PTPRT: variants seen among roughly 807,000 people sequenced by gnomAD.
The protein encoded by PTPRT is receptor-type tyrosine-protein phosphatase T.
A neutral mutation model predicts 176.8 loss-of-function variants in PTPRT; 56 were observed. The ratio of observed to expected loss-of-function variants is 0.32; its 90% CI spans 0.26 to 0.40. The LOEUF (loss-of-function observed/expected upper bound fraction) is 0.40, where lower values mean the gene tolerates loss of function less well. Ranked by LOEUF, PTPRT falls within the 10% of genes least tolerant of loss-of-function variation. PTPRT has a pLI of 1.00. For missense variants in PTPRT, 1,540 were observed against 1,908.2 expected (o/e 0.81, Z 3.60); for synonymous variants, 783 against 739.0 (o/e 1.06, Z -0.96).
intron 7 of PTPRT, among the ~76,000 whole-genome samples, chr20:42,569,752 T>C (rs1427348275): frequency 2.0e-5 from 3 of 152,188 alleles, no homozygotes; most frequent in Non-Finnish European, 4.4e-5. Flanking sequence ...TCACACAAGA[T>C]CACTTGGCCC....
At chr20:43,015,791 G>A (rs1162109043) in intron 1 of PTPRT, among the ~76,000 whole-genome samples, 2 of 152,110 alleles carry the variant, frequency 1.3e-5, no homozygotes. Flanking sequence ...AATGGGGACA[G>A]CCAATGCAAC....
At chr20:42,686,838 G>A (rs914670692) in intron 6 of PTPRT, among the ~76,000 whole-genome samples, 20 of 151,838 alleles carry the variant, frequency 1.3e-4, no homozygotes, top group African/African-American at 3.4e-4. Context: ...GTCTCACTTC[G>A]TCTCCTGTTT....
intron 6 of PTPRT, among the ~76,000 whole-genome samples, chr20:42,737,918 G>T (rs1460555927): frequency 6.6e-6 from 1 of 152,190 alleles, no homozygotes; most frequent in East Asian, 1.9e-4. Context: ...GCCCCACCTT[G>T]CAGGACAGGG....
chr20:42,348,264 C>T (rs2058223966), intron 11 of PTPRT, among the ~76,000 whole-genome samples: 1 of 152,118 alleles, frequency 6.6e-6, no homozygotes, highest in Non-Finnish European at 1.5e-5. Context: ...GGAAATAATT[C>T]CAGAAACTGA....
At chr20:43,040,168 A>G (rs1986548549) in intron 1 of PTPRT, among the ~76,000 whole-genome samples, 1 of 152,226 alleles carries the variant, frequency 6.6e-6, no homozygotes, top group Non-Finnish European at 1.5e-5. Context: ...ACTAAATAAC[A>G]CTTGAAAATA....
intron 2 of PTPRT, among the ~76,000 whole-genome samples, chr20:42,803,988 T>C (rs1408266549): frequency 6.6e-6 from 1 of 152,106 alleles, no homozygotes; most frequent in Non-Finnish European, 1.5e-5. Flanking sequence ...TGAGGCACCA[T>C]AGTTGCCCTG....
chr20:42,320,753 C>A (rs182608303), intron 11 of PTPRT, among the ~76,000 whole-genome samples: 5 of 151,918 alleles, frequency 3.3e-5, no homozygotes, highest in African/African-American at 1.2e-4. Flanking sequence ...ATAAATTATA[C>A]CCCCAGCATT....
intron 1 of PTPRT, among the ~76,000 whole-genome samples, chr20:43,131,804 A>G (rs775026587): frequency 2.0e-5 from 3 of 152,248 alleles, no homozygotes; most frequent in Non-Finnish European, 4.4e-5. Context: ...TTTTTAAAAT[A>G]ACGCATCATG....
At chr20:42,624,005 C>CAAAAAAAAAAAAACAAACA (rs1159094345) in intron 7 of PTPRT, among the ~76,000 whole-genome samples, 4 of 135,684 alleles carry the variant, frequency 2.9e-5, no homozygotes, top group Non-Finnish European at 4.6e-5. Flanking sequence ...AAAACAATAG[C>CAAAAAAAAAAAAACAAACA]AACAAACAAA....
intron 7 of PTPRT, among the ~76,000 whole-genome samples, chr20:42,622,367 G>A (rs1236941101): frequency 6.6e-6 from 1 of 151,576 alleles, no homozygotes; most frequent in African/African-American, 2.4e-5. Flanking sequence ...TCAGCCTCCC[G>A]AGTAGCTGGG....
chr20:42,538,706 G>A (rs1437972708), intron 7 of PTPRT, among the ~76,000 whole-genome samples: 1 of 152,104 alleles, frequency 6.6e-6, no homozygotes, highest in Non-Finnish European at 1.5e-5. Context: ...CTTATGCATC[G>A]TGAGTATGTT....
intron 1 of PTPRT, among the ~76,000 whole-genome samples, chr20:42,927,094 G>T (rs1487026389): frequency 6.6e-6 from 1 of 152,234 alleles, no homozygotes; most frequent in Admixed American, 6.5e-5. Flanking sequence ...TGTCCACCAA[G>T]GAAAACCTGA....
At chr20:42,295,695 T>C (rs2057376715) in intron 12 of PTPRT, among the ~76,000 whole-genome samples, 1 of 152,132 alleles carries the variant, frequency 6.6e-6, no homozygotes. Flanking sequence ...TTAGGTCATT[T>C]ATTGTTGTAC....
chr20:42,709,147 G>T (rs2076105672), intron 6 of PTPRT, among the ~76,000 whole-genome samples: 1 of 152,224 alleles, frequency 6.6e-6, no homozygotes, highest in Non-Finnish European at 1.5e-5. Context: ...GGGACAGAAA[G>T]GGCCAGTGCT....
chr20:42,176,996 C>T (rs1348486523), intron 16 of PTPRT, among the ~76,000 whole-genome samples: 1 of 152,198 alleles, frequency 6.6e-6, no homozygotes, highest in Non-Finnish European at 1.5e-5. Flanking sequence ...ATGGAAAGAA[C>T]ACAGTTTGGG....
At chr20:42,723,876 A>T (rs2076339421) in intron 6 of PTPRT, among the ~76,000 whole-genome samples, 1 of 152,210 alleles carries the variant, frequency 6.6e-6, no homozygotes, top group African/African-American at 2.4e-5. Flanking sequence ...TGGACAGGGT[A>T]GGCAACTGGA....
chr20:42,454,665 T>C (rs545402588), intron 8 of PTPRT, among the ~76,000 whole-genome samples: 17 of 152,388 alleles, frequency 1.1e-4, no homozygotes, highest in Non-Finnish European at 1.8e-4. Context: ...TTATTGGCTA[T>C]ATGTGCTACT....
intron 2 of PTPRT, among the ~76,000 whole-genome samples, chr20:42,874,387 C>T (rs745570577): frequency 6.6e-6 from 1 of 152,104 alleles, no homozygotes; most frequent in Non-Finnish European, 1.5e-5. Flanking sequence ...ATCAACCCTC[C>T]ATTAAAAGTA....
At chr20:42,092,162 G>A (rs565519236) in intron 27 of PTPRT, among the ~76,000 whole-genome samples, 1 of 152,194 alleles carries the variant, frequency 6.6e-6, no homozygotes, top group African/African-American at 2.4e-5. Flanking sequence ...AGGGGAAGAT[G>A]TGTTACTGCT....
Sources: allele counts gnomAD v4.1 joint callset (sites outside exome capture counted in the v4.1 genomes callset), GRCh38; gene constraint gnomAD v4.1.1; transcripts MANE v1.5; gene names NCBI Gene and HGNC (gene_info 2026-07-23, HGNC 2026-07-21).